FCHSD2: variants seen among roughly 807,000 people sequenced by gnomAD.
FCHSD2 encodes FCH and double SH3 domains 2.
A neutral mutation model predicts 108.1 loss-of-function variants in FCHSD2; 38 were observed. The ratio of observed to expected loss-of-function variants is 0.35; its 90% CI spans 0.27 to 0.46. The LOEUF (loss-of-function observed/expected upper bound fraction) is 0.46, where lower values mean the gene tolerates loss of function less well. Among genes scored for constraint, FCHSD2 ranks in the 20% least tolerant of loss-of-function variants. The pLI is 1.00. For synonymous variants in FCHSD2, 279 were observed against 314.7 expected (o/e 0.89, Z 1.20); for missense variants, 751 against 897.8 (o/e 0.84, Z 2.09).
At chr11:72,854,880 G>A (rs60355221) in intron 13 of FCHSD2, among the ~76,000 whole-genome samples, 63,904 of 151,902 alleles carry the variant, frequency 0.42, 14,168 homozygotes, top group South Asian at 0.64. Flanking sequence ...GCTCATGCCT[G>A]TAATCCCAGC....
chr11:72,931,615 A>T (rs1450485479), intron 8 of FCHSD2, among the ~76,000 whole-genome samples: 1 of 151,658 alleles, frequency 6.6e-6, no homozygotes, highest in East Asian at 2.0e-4. Flanking sequence ...AAATACAAAA[A>T]TTAGCCGGGC....
intron 8 of FCHSD2, among the ~76,000 whole-genome samples, chr11:72,981,875 G>A (rs1857222182): frequency 6.6e-6 from 1 of 152,168 alleles, no homozygotes; most frequent in African/African-American, 2.4e-5. Context: ...TAGCTACATG[G>A]GAGGCTGAGG....
intron 3 of FCHSD2, among the ~76,000 whole-genome samples, chr11:73,080,296 C>CAAAAAAAAAAAAAAAAA (rs370633105): frequency 1.9e-5 from 1 of 52,272 alleles, no homozygotes; most frequent in African/African-American, 5.8e-5. Flanking sequence ...GACCCTGTCT[C>CAAAAAAAAAAAAAAAAA]AAAAAAAAAA....
intron 7 of FCHSD2, 48 bp from the exon 8 acceptor site, chr11:72,984,264 G>T: frequency 1.3e-6 from 2 of 1,579,230 alleles, no homozygotes; most frequent in Non-Finnish European, 8.7e-7. Flanking sequence ...ATATTGTACT[G>T]CAAAACACAT....
At chr11:72,896,859 C>A (rs1336761822) in intron 10 of FCHSD2, among the ~76,000 whole-genome samples, 2 of 151,568 alleles carry the variant, frequency 1.3e-5, no homozygotes, top group African/African-American at 4.9e-5. Context: ...CAGAGTCTCA[C>A]CCTGCCACCC....
chr11:73,100,035 AC>A (rs1860184222), intron 2 of FCHSD2, among the ~76,000 whole-genome samples: 1 of 152,006 alleles, frequency 6.6e-6, no homozygotes, highest in Admixed American at 6.5e-5. Context: ...TCCCTGACGC[AC>A]CCCGGAAGGC....
chr11:73,087,453 C>T (rs779055740), intron 2 of FCHSD2, among the ~76,000 whole-genome samples: 3 of 151,896 alleles, frequency 2.0e-5, no homozygotes, highest in Non-Finnish European at 4.4e-5. Flanking sequence ...ACCCTGTAAT[C>T]CCAGCATTTT....
intron 7 of FCHSD2, among the ~76,000 whole-genome samples, 176 bp downstream of exon 7, chr11:72,984,885 GT>G (rs1857282448): frequency 6.6e-6 from 1 of 152,226 alleles, no homozygotes; most frequent in Non-Finnish European, 1.5e-5. Flanking sequence ...TGTCCAAGGT[GT>G]TGACAGCTGG....
intron 3 of FCHSD2, among the ~76,000 whole-genome samples, chr11:73,078,589 C>T (rs1310113130): frequency 6.6e-6 from 1 of 151,556 alleles, no homozygotes; most frequent in Non-Finnish European, 1.5e-5. Context: ...TTCTATGATG[C>T]CATTTAAGTT....
chr11:72,868,048 C>G, intron 12 of FCHSD2, 22 bp from the exon 13 acceptor site: 1 of 1,544,450 alleles, frequency 6.5e-7, no homozygotes, highest in Non-Finnish European at 8.7e-7. Flanking sequence ...AGAAAATGGT[C>G]GGAAATCAAG....
intron 2 of FCHSD2, among the ~76,000 whole-genome samples, chr11:73,098,980 G>A (rs150690788): frequency 1.3e-5 from 2 of 152,310 alleles, no homozygotes; most frequent in East Asian, 3.9e-4. Flanking sequence ...TTGGGAGACT[G>A]AAGCAGGAGG....
intron 11 of FCHSD2, among the ~76,000 whole-genome samples, chr11:72,888,014 G>A (rs1855234833): frequency 6.6e-6 from 1 of 152,234 alleles, no homozygotes; most frequent in African/African-American, 2.4e-5. Context: ...TGGATACACA[G>A]TAGTAGCAAG....
At chr11:72,962,518 A>C (rs542409693) in intron 8 of FCHSD2, among the ~76,000 whole-genome samples, 1 of 152,338 alleles carries the variant, frequency 6.6e-6, no homozygotes. Flanking sequence ...AGGAGTTTAC[A>C]AAATATACTT....
chr11:73,028,993 T>C (rs147072797), intron 3 of FCHSD2, among the ~76,000 whole-genome samples: 23 of 152,138 alleles, frequency 1.5e-4, no homozygotes, highest in African/African-American at 3.4e-4. Flanking sequence ...TAGTTCTTCA[T>C]AGCAGTGTGA....
intron 3 of FCHSD2, among the ~76,000 whole-genome samples, chr11:73,083,082 A>G (rs1483855305): frequency 6.6e-6 from 1 of 152,252 alleles, no homozygotes; most frequent in African/African-American, 2.4e-5. Context: ...AACCTTTCAT[A>G]AACTGCAGAG....
At chr11:73,071,588 C>A (rs1309043236) in intron 3 of FCHSD2, among the ~76,000 whole-genome samples, 1 of 151,412 alleles carries the variant, frequency 6.6e-6, no homozygotes, top group African/African-American at 2.4e-5. Flanking sequence ...GTAGTCCCAA[C>A]TACTCGGGGG....
chr11:73,082,804 T>C (rs886429056), intron 3 of FCHSD2, among the ~76,000 whole-genome samples: 2 of 152,180 alleles, frequency 1.3e-5, no homozygotes, highest in African/African-American at 4.8e-5. Flanking sequence ...TATAAAGTAA[T>C]TGCTTAAAGG....
chr11:73,039,247 A>G (rs1858572393), intron 3 of FCHSD2, among the ~76,000 whole-genome samples: 1 of 57,464 alleles, frequency 1.7e-5, no homozygotes. Flanking sequence ...TGCAGGGTGC[A>G]GTGCTCACAC....
At chr11:72,886,090 AG>A (rs1855191896) in intron 12 of FCHSD2, among the ~76,000 whole-genome samples, 1 of 152,176 alleles carries the variant, frequency 6.6e-6, no homozygotes, top group South Asian at 2.1e-4. Flanking sequence ...TGGAGTTCTA[AG>A]GGGGTGTTAG....
Sources: allele counts gnomAD v4.1 joint callset (sites outside exome capture counted in the v4.1 genomes callset), GRCh38; gene constraint gnomAD v4.1.1; transcripts MANE v1.5; gene names NCBI Gene and HGNC (gene_info 2026-07-23, HGNC 2026-07-21).